The following DSCAM variants were observed in gnomAD, a reference collection of about 807,000 sequenced individuals.
DSCAM encodes DS cell adhesion molecule, also known as cell adhesion molecule DSCAM.
DSCAM carries 47 observed loss-of-function variants against 217.7 expected under a neutral mutation model. The ratio of observed to expected loss-of-function variants is 0.22; its 90% CI spans 0.17 to 0.28. The LOEUF (loss-of-function observed/expected upper bound fraction) is 0.28. DSCAM is among the 10% of genes least tolerant of loss of function. The pLI is 1.00. For missense variants in DSCAM, 2,080 were observed against 2,618.3 expected, an observed-to-expected ratio of 0.79 and a Z score of 4.49; for synonymous variants, 1,056 against 1,015.3, an observed-to-expected ratio of 1.04 and a Z score of -0.76.
intron 3 of DSCAM, among the ~76,000 whole-genome samples, chr21:40,482,716 G>A (rs1348041397): frequency 6.6e-6 from 1 of 152,154 alleles, no homozygotes; most frequent in Non-Finnish European, 1.5e-5. Context: ...GAATTTTTGA[G>A]TCTCACTGTT....
intron 3 of DSCAM, among the ~76,000 whole-genome samples, chr21:40,646,230 C>T (rs934711645): frequency 3.3e-5 from 5 of 152,094 alleles, no homozygotes; most frequent in East Asian, 1.9e-4. Context: ...TCCTGGCCAA[C>T]ATGGTGAAAC....
At chr21:40,496,601 A>C (rs1285363843) in intron 3 of DSCAM, among the ~76,000 whole-genome samples, 1 of 152,158 alleles carries the variant, frequency 6.6e-6, no homozygotes, top group Non-Finnish European at 1.5e-5. Flanking sequence ...TTGGCAATGA[A>C]TTTAGTATGT....
At chr21:40,522,919 A>G (rs1468061178) in intron 3 of DSCAM, among the ~76,000 whole-genome samples, 2 of 152,154 alleles carry the variant, frequency 1.3e-5, no homozygotes, top group Admixed American at 1.3e-4. Flanking sequence ...ATGACATTCA[A>G]TGAACAATTT....
At chr21:40,657,938 A>G (rs907410449) in intron 3 of DSCAM, among the ~76,000 whole-genome samples, 2 of 152,214 alleles carry the variant, frequency 1.3e-5, no homozygotes, top group Non-Finnish European at 2.9e-5. Context: ...AGTAAATAAA[A>G]TAAGAATGAG....
chr21:40,441,324 G>A (rs186091752), intron 3 of DSCAM, among the ~76,000 whole-genome samples: 2 of 152,188 alleles, frequency 1.3e-5, no homozygotes, highest in African/African-American at 4.8e-5. Context: ...TCTTTCCCTT[G>A]GTCTAGCTCC....
chr21:40,504,525 TA>T (rs1182964758), intron 3 of DSCAM, among the ~76,000 whole-genome samples: 2 of 152,166 alleles, frequency 1.3e-5, no homozygotes, highest in Admixed American at 6.5e-5. Context: ...CAACAAGCTT[TA>T]ACCTGTCAGC....
intron 1 of DSCAM, among the ~76,000 whole-genome samples, chr21:40,770,355 A>T (rs1385802673): frequency 1.3e-5 from 2 of 152,230 alleles, no homozygotes; most frequent in Non-Finnish European, 2.9e-5. Flanking sequence ...GCATCAAAGT[A>T]TTAAAGTAGT....
At chr21:40,120,236 C>T (rs1479627343) in intron 20 of DSCAM, among the ~76,000 whole-genome samples, 2 of 152,224 alleles carry the variant, frequency 1.3e-5, no homozygotes, top group African/African-American at 4.8e-5. Flanking sequence ...TCATCTGAAG[C>T]TGGAATAACC....
intron 1 of DSCAM, among the ~76,000 whole-genome samples, chr21:40,800,385 G>C (rs1236307732): frequency 6.6e-6 from 1 of 152,158 alleles, no homozygotes; most frequent in East Asian, 1.9e-4. Flanking sequence ...GATGGAAGCT[G>C]AGGGAGCAGG....
chr21:40,077,410 A>T (rs890964594), intron 26 of DSCAM, among the ~76,000 whole-genome samples: 25 of 152,198 alleles, frequency 1.6e-4, no homozygotes, highest in African/African-American at 5.8e-4. Flanking sequence ...TATAGGAGAA[A>T]TTGGTCCGAT....
Position 40,536,556 on chromosome 21 carries a change from C to T in DSCAM, c.508+156254G>A, listed in dbSNP as rs1418614613. Among the ~76,000 whole-genome samples the T allele has an allele frequency of 4.6e-5, 7 of 152,212 alleles. No individual in the cohort carries two copies. In the East Asian group the frequency reaches 7.7e-4, roughly 17 times the overall value. On this transcript the variant is annotated intron_variant, in intron 3 of 32. Transcript: ENST00000400454. The stretch of plus-strand genomic sequence containing the variant: ...AGCTGGGACTACAGGCGCCCACCAC[C>T]ACGCCTGGCTAATTTTTATTTTTTT...
chr21:40,326,798 G>C lies in DSCAM; in HGVS notation c.1783+11303C>G, dbSNP rs1007778748. ...GGGGCATGTTGAATATCACATGGGA[G>C]GCTGGTCTAGATGAACTTCAAGCTG... On this transcript the variant is annotated intron_variant, in intron 8 of 32. Coordinates refer to ENST00000400454, the MANE Select transcript of DSCAM (RefSeq NM_001389.5). 2.6e-5 allele frequency among the ~76,000 whole-genome samples: 4 copies of C among 151,942 alleles called. No homozygotes were observed. The East Asian group carries it at 7.7e-4, about 29-fold the overall frequency.
rs527867198 is a variant in DSCAM, at chr21:40,444,548, T to C, written c.509-75303A>G. 2.0e-5 allele frequency among the ~76,000 whole-genome samples: 3 copies of C among 152,334 alleles called. No homozygotes were observed. In the East Asian group the frequency reaches 5.8e-4, roughly 29 times the overall value. ...AGCAAGAGAGAGAGATGCTTTTAGA[T>C]TCAGGGGCTATTTGTTACACTGCAT... On this transcript the variant is annotated intron_variant, in intron 3 of 32. Coordinates refer to ENST00000400454, the MANE Select transcript of DSCAM (RefSeq NM_001389.5).
At position 40,382,062 on chromosome 21, in the gene DSCAM, C is replaced by G. The variant is rs1025215112; in HGVS notation, c.509-12817G>C. Among the ~76,000 whole-genome samples the G allele has an allele frequency of 2.0e-5, 3 of 152,280 alleles. No individual in the cohort carries two copies. In the East Asian group the frequency reaches 5.8e-4, roughly 29 times the overall value. ...ATGTTTGAAGAGCCTTTTTCAACAT[C>G]TTAGTGATGGAATTGTTACTTTTCT... On this transcript the variant is annotated intron_variant, in intron 3 of 32. Transcript: ENST00000400454.
intron 3 of DSCAM, among the ~76,000 whole-genome samples, chr21:40,652,346 AC>A (rs532074206): frequency 0.013 from 387 of 30,310 alleles, 2 homozygotes; most frequent in African/African-American, 0.043. Flanking sequence ...AACAACAACA[AC>A]AAAAAAAAAA....
chr21:40,426,854 C>G (rs767489259), intron 3 of DSCAM, among the ~76,000 whole-genome samples: 1 of 152,140 alleles, frequency 6.6e-6, no homozygotes, highest in East Asian at 1.9e-4. Context: ...TCAGTCAAGC[C>G]CAAACCGTCA....
At chr21:40,775,796 T>A (rs1431594749) in intron 1 of DSCAM, among the ~76,000 whole-genome samples, 1 of 152,160 alleles carries the variant, frequency 6.6e-6, no homozygotes, top group African/African-American at 2.4e-5. Flanking sequence ...GTCCTTTTTG[T>A]ACATTTGTAT....
intron 6 of DSCAM, among the ~76,000 whole-genome samples, chr21:40,342,129 T>A (rs2074499076): frequency 6.6e-6 from 1 of 152,194 alleles, no homozygotes; most frequent in African/African-American, 2.4e-5. Context: ...CATTGTTATA[T>A]TAGACTGTTT....
At chr21:40,132,220 G>A (rs2090161092) in intron 19 of DSCAM, among the ~76,000 whole-genome samples, 2 of 152,140 alleles carry the variant, frequency 1.3e-5, no homozygotes, top group African/African-American at 4.8e-5. Context: ...GGTGTTTTCA[G>A]ACACCACTTC....
Sources: gnomAD v4.1 joint callset for allele counts (sites outside exome capture counted in the v4.1 genomes callset) on GRCh38, gnomAD v4.1.1 for gene constraint, MANE v1.5 for transcripts, NCBI Gene and HGNC (gene_info 2026-07-23, HGNC 2026-07-21) for gene names.